The following DGKB variants were observed in gnomAD, a reference collection of about 807,000 sequenced individuals.
DGKB encodes the protein 90 kDa diacylglycerol kinase.
A neutral mutation model predicts 114.3 loss-of-function variants in DGKB; 67 were observed. That is an observed-to-expected ratio of 0.59 (90% CI 0.48 to 0.72). The LOEUF is 0.72. DGKB is among the 30% of genes least tolerant of loss of function. The pLI is 0.00. For missense variants in DGKB, 907 were observed against 975.2 expected (o/e 0.93, Z 0.93); for synonymous variants, 398 against 323.1 (o/e 1.23, Z -2.49).
intron 1 of DGKB, among the ~76,000 whole-genome samples, chr7:14,854,294 A>C (rs890940296): frequency 4.6e-5 from 7 of 152,174 alleles, no homozygotes; most frequent in African/African-American, 9.7e-5. Flanking sequence ...GGTGAGCAAA[A>C]GGATAATATA....
intron 13 of DGKB, 102 bp downstream of exon 13, chr7:14,672,827 C>T (rs1323198834): frequency 1.6e-6 from 1 of 634,280 alleles, no homozygotes; most frequent in African/African-American, 1.8e-5. Flanking sequence ...TATACTTCTA[C>T]CTTGATTGAT....
intron 23 of DGKB, among the ~76,000 whole-genome samples, chr7:14,294,608 A>G (rs963597727): frequency 2.6e-5 from 4 of 152,342 alleles, no homozygotes; most frequent in African/African-American, 9.6e-5. Context: ...GCTAATAAAA[A>G]TACTTGTTTC....
intron 1 of DGKB, among the ~76,000 whole-genome samples, chr7:14,867,396 G>T (rs1851845536): frequency 6.6e-6 from 1 of 151,250 alleles, no homozygotes. Flanking sequence ...TAATTTGTGT[G>T]AAGAATGTAA....
chr7:14,464,318 G>T (rs941265982), intron 21 of DGKB, among the ~76,000 whole-genome samples: 7 of 152,078 alleles, frequency 4.6e-5, no homozygotes, highest in African/African-American at 1.7e-4. Flanking sequence ...TATTTTAGAA[G>T]TTATTGCCAA....
chr7:14,250,759 T>C (rs1449587645), intron 23 of DGKB, among the ~76,000 whole-genome samples: 2 of 152,162 alleles, frequency 1.3e-5, no homozygotes, highest in Non-Finnish European at 2.9e-5. Flanking sequence ...TGCATTGTGG[T>C]TTATTTCTCC....
intron 19 of DGKB, among the ~76,000 whole-genome samples, chr7:14,575,669 T>C (rs549896227): frequency 2.1e-4 from 32 of 152,312 alleles, no homozygotes; most frequent in Non-Finnish European, 3.5e-4. Flanking sequence ...ATTTGAAATA[T>C]TGTACTAAGT....
intron 2 of DGKB, among the ~76,000 whole-genome samples, chr7:14,796,687 T>TTAA (rs547143057): frequency 1.4e-5 from 2 of 140,956 alleles, no homozygotes; most frequent in African/African-American, 5.1e-5. Flanking sequence ...TTCTAGAAAG[T>TTAA]AAAAAAAAAA....
intron 23 of DGKB, among the ~76,000 whole-genome samples, chr7:14,211,337 G>GA: frequency 1.0e-5 from 1 of 97,422 alleles, no homozygotes; most frequent in Non-Finnish European, 1.9e-5. Context: ...CATGTTTTGT[G>GA]ATTTTACTCT....
At chr7:14,236,060 TTC>T (rs1450732573) in intron 23 of DGKB, among the ~76,000 whole-genome samples, 2 of 152,028 alleles carry the variant, frequency 1.3e-5, no homozygotes, top group African/African-American at 2.4e-5. Context: ...TTATTTTCCT[TTC>T]TGTCAAAAAT....
intron 13 of DGKB, among the ~76,000 whole-genome samples, chr7:14,647,791 C>A (rs1376967162): frequency 6.6e-6 from 1 of 152,216 alleles, no homozygotes; most frequent in East Asian, 1.9e-4. Context: ...TCGCGCGCAC[C>A]ATGCGCGAGC....
chr7:14,969,623 G>C (rs1251029516), intron 1 of DGKB, among the ~76,000 whole-genome samples: 1 of 152,068 alleles, frequency 6.6e-6, no homozygotes, highest in Non-Finnish European at 1.5e-5. Flanking sequence ...AGCATGCGAG[G>C]GATCTACGTT....
chr7:14,256,331 A>T (rs1201280265), intron 23 of DGKB, among the ~76,000 whole-genome samples: 1 of 151,934 alleles, frequency 6.6e-6, no homozygotes, highest in Non-Finnish European at 1.5e-5. Flanking sequence ...TATTATAGTC[A>T]TATTGATTTC....
intron 20 of DGKB, among the ~76,000 whole-genome samples, chr7:14,537,378 C>G (rs1452463666): frequency 6.6e-6 from 1 of 152,014 alleles, no homozygotes; most frequent in South Asian, 2.1e-4. Context: ...TTGAACAAAG[C>G]TGAAGGAATC....
intron 4 of DGKB, among the ~76,000 whole-genome samples, chr7:14,736,453 C>G (rs1831734251): frequency 7.7e-6 from 1 of 130,200 alleles, no homozygotes; most frequent in Admixed American, 7.9e-5. Flanking sequence ...TCCACAGTAT[C>G]TGTAATGCCT....
chr7:14,466,679 A>T (rs144836292), intron 21 of DGKB, among the ~76,000 whole-genome samples: 8,636 of 151,070 alleles, frequency 0.057, 806 homozygotes, highest in African/African-American at 0.19. Context: ...TTAGCTGGGC[A>T]TGGTGGTGCA....
intron 9 of DGKB, among the ~76,000 whole-genome samples, chr7:14,685,989 AC>A (rs1166517502): frequency 6.6e-6 from 1 of 152,162 alleles, no homozygotes; most frequent in Non-Finnish European, 1.5e-5. Flanking sequence ...TAAAAGGCAA[AC>A]TTTTTAAAGG....
At chr7:14,272,937 T>A (rs1798477759) in intron 23 of DGKB, among the ~76,000 whole-genome samples, 1 of 152,198 alleles carries the variant, frequency 6.6e-6, no homozygotes, top group African/African-American at 2.4e-5. Context: ...GGGGAATACA[T>A]GGAATAGTTG....
chr7:14,921,409 G>A (rs865905279), intron 1 of DGKB, among the ~76,000 whole-genome samples: 12 of 152,136 alleles, frequency 7.9e-5, no homozygotes, highest in Middle Eastern at 3.4e-3. Context: ...AAAACTGAAA[G>A]GTATTAATTC....
chr7:14,739,082 A>G (rs868814870), intron 4 of DGKB, among the ~76,000 whole-genome samples: 2 of 152,358 alleles, frequency 1.3e-5, no homozygotes, highest in African/African-American at 2.4e-5. Context: ...GTCGATGCTC[A>G]TTAAAATCGC....
Sources: gnomAD v4.1 joint callset for allele counts (sites outside exome capture counted in the v4.1 genomes callset) on GRCh38, gnomAD v4.1.1 for gene constraint, MANE v1.5 for transcripts, NCBI Gene and HGNC (gene_info 2026-07-23, HGNC 2026-07-21) for gene names.